Variants in MRPS5 observed in about 807,000 individuals in gnomAD.
The protein encoded by MRPS5 is small ribosomal subunit protein uS5m.
Under a neutral mutation model 51.9 loss-of-function variants are expected in MRPS5, and 27 were observed. The observed-to-expected ratio is 0.52, with a 90% CI of 0.38 to 0.72. The LOEUF is 0.72. Ranked by LOEUF, MRPS5 falls within the 30% of genes least tolerant of loss-of-function variation. The pLI, the probability that MRPS5 is intolerant of heterozygous loss-of-function variation, is 0.00. For synonymous variants in MRPS5, 196 were observed against 193.2 expected (o/e 1.01, Z -0.12); for missense variants, 570 against 545.7 (o/e 1.04, Z -0.44).
intron 8 of MRPS5, among the ~76,000 whole-genome samples, 169 bp from the exon 9 acceptor site, chr2:95,101,063 A>G (rs546401633): frequency 2.0e-5 from 3 of 152,282 alleles, no homozygotes; most frequent in South Asian, 2.1e-4. Flanking sequence ...CTTAACTACA[A>G]TATCACTATC....
At chr2:95,116,966 C>A (rs1676301118) in intron 2 of MRPS5, among the ~76,000 whole-genome samples, 1 of 152,100 alleles carries the variant, frequency 6.6e-6, no homozygotes, top group Non-Finnish European at 1.5e-5. Context: ...CATAGTGAAA[C>A]CCCGTCTCTA....
chr2:95,087,070 T>C lies in MRPS5; in HGVS notation c.*287A>G, dbSNP rs531288951. The C allele has an allele frequency of 9.3e-4, 294 of 316,924 alleles. No individual in the cohort carries two copies. The highest frequency in any genetic ancestry group is 4.5e-3 in the Middle Eastern group (5 of 1,108). The allele number at this position is 316,924 out of a possible 1,614,324, so 19.6% of individuals were successfully genotyped here. A position where few individuals can be genotyped will look rare whatever the true frequency, so the allele number is the denominator to read the frequency against. On this transcript the variant is annotated 3_prime_UTR_variant, in exon 12 of 12. Coordinates refer to ENST00000272418, the MANE Select transcript of MRPS5 (RefSeq NM_031902.5). The stretch of plus-strand genomic sequence containing the variant: ...CAATTATCATTGTGTACATTATTAC[T>C]GATTGGGTCAAATTATTAACCCCGT...
chr2:95,120,624 G>A (rs1676414698), intron 1 of MRPS5, among the ~76,000 whole-genome samples: 1 of 152,152 alleles, frequency 6.6e-6, no homozygotes, highest in Non-Finnish European at 1.5e-5. Flanking sequence ...CAAAAAACAG[G>A]CTTCGGAGCC....
Position 95,101,572 on chromosome 2 carries a change from G to T in MRPS5, c.810+105C>A, listed in dbSNP as rs115521436. On this transcript the variant is annotated intron_variant, in intron 8 of 11. Transcript: ENST00000272418. Reference sequence around the variant, plus strand: ...TAACCCTTGACAGCAAGCCTCATGGGAAGGTTCTGGGACAAATTATTATTG... The same window carrying T: ...TAACCCTTGACAGCAAGCCTCATGGTAAGGTTCTGGGACAAATTATTATTG... 3.5e-6 allele frequency: 3 copies of T among 861,500 alleles called. No homozygotes were observed. In the African/African-American group the frequency reaches 5.2e-5, roughly 15 times the overall value. The allele number at this position is 861,500 out of a possible 1,614,324, so 53.4% of individuals were successfully genotyped here.
intron 5 of MRPS5, among the ~76,000 whole-genome samples, chr2:95,107,869 G>C (rs1268880758): frequency 2.0e-5 from 3 of 152,100 alleles, no homozygotes; most frequent in Non-Finnish European, 4.4e-5. Context: ...GTGGCCACCT[G>C]TGTTTTGGAA....
chr2:95,121,693 G>A (rs1164563185), intron 1 of MRPS5, 41 bp downstream of exon 1: 3 of 1,523,334 alleles, frequency 2.0e-6, no homozygotes, highest in African/African-American at 1.4e-5. Flanking sequence ...CCCCACTCCC[G>A]GCCCGCTCAG....
At chr2:95,122,000 G>T (rs2104438121), upstream of MRPS5, 1 of 535,892 alleles carries the variant, frequency 1.9e-6, no homozygotes, top group Non-Finnish European at 3.1e-6. Context: ...CCCCGCGGGC[G>T]CCTCCCGTTA....
Position 95,086,071 on chromosome 2 carries a change from G to A in MRPS5, c.*1286C>T, listed in dbSNP as rs183918973. Among the ~76,000 whole-genome samples the A allele has an allele frequency of 1.2e-3, 181 of 152,184 alleles. No homozygotes were observed. Among genetic ancestry groups the A allele is most frequent in the African/African-American group, 4.2e-3 (174 of 41,528 alleles). On this transcript the variant is annotated 3_prime_UTR_variant, in exon 12 of 12. Transcript: ENST00000272418. ...ACTACAGGCATACACCACCATGTGT[G>A]TCTAACTTTTAAATTTACTTTTACT...
chr2:95,112,982 G>A (rs1393609294), intron 3 of MRPS5, among the ~76,000 whole-genome samples: 1 of 151,578 alleles, frequency 6.6e-6, no homozygotes, highest in Non-Finnish European at 1.5e-5. Context: ...TCCAGCCTGG[G>A]CGACAGAGGG....
At chr2:95,090,551 A>T in intron 10 of MRPS5, 29 bp from the exon 11 acceptor site, 6 of 1,613,390 alleles carry the variant, frequency 3.7e-6, no homozygotes, top group Non-Finnish European at 5.1e-6. Flanking sequence ...GGTGAAACAC[A>T]GCCCACTCGC....
rs997037560 is a variant in MRPS5 at position 95,115,100 on chromosome 2, G to A, written c.243C>T (p.Ser81=). 2 of 1,610,666 alleles carry A rather than the reference G, an allele frequency of 1.2e-6. No individual in the cohort carries two copies. Among genetic ancestry groups the A allele is most frequent in the Non-Finnish European group, 1.7e-6 (2 of 1,179,110 alleles). ...CCISSPSHLM[S]QQYRPYSFFT... ...AGAAACTATATGGTCTATACTGCTG[G>A]CTCATCAGGTGACTGGGAGAAGAAA... The change falls in exon 3 of 12, where the codon AGC becomes AGT. Residue 81 remains serine, a synonymous_variant. Coordinates refer to ENST00000272418, the MANE Select transcript of MRPS5 (RefSeq NM_031902.5).
In MRPS5 at chr2:95,108,405, C is replaced by A. The variant is rs372157685; in HGVS notation, c.407G>T (p.Arg136Leu). ...LNRGQIIGEG[R>L]YGFLWPGLNV... Reference sequence around the variant, plus strand: ...CAGTCCGGGCCATAGAAAACCATAACGCCCTGAAGGTTTAAAAATATAAAT... The same window carrying A: ...CAGTCCGGGCCATAGAAAACCATAAAGCCCTGAAGGTTTAAAAATATAAAT... Residue 136 changes from arginine (R) to leucine (L), a missense_variant, in exon 5 of 12, where the codon CGT (arginine) becomes CTT (leucine). By Grantham distance (102) the Arg-to-Leu change is moderately radical. Transcript: ENST00000272418. 1.9e-6 allele frequency: 3 copies of A among 1,611,180 alleles called. No homozygotes were observed. Among genetic ancestry groups the A allele is most frequent in the Admixed American group, 3.3e-5 (2 of 59,830 alleles).
chr2:95,121,901 G>T (rs1268661053), upstream of MRPS5: 1 of 1,248,190 alleles, frequency 8.0e-7, no homozygotes, highest in Non-Finnish European at 1.1e-6. Flanking sequence ...GAATTCCTGA[G>T]GCCCGAGTCC....
chr2:95,098,185 A>G (rs1461248972), intron 10 of MRPS5, among the ~76,000 whole-genome samples: 2 of 152,210 alleles, frequency 1.3e-5, no homozygotes, highest in Non-Finnish European at 2.9e-5. Flanking sequence ...AAAAGTCAGG[A>G]AACAACAGGT....
At chr2:95,099,208 G>A (rs1269346525) in intron 10 of MRPS5, among the ~76,000 whole-genome samples, 7 of 150,850 alleles carry the variant, frequency 4.6e-5, no homozygotes, top group Middle Eastern at 3.4e-3. Flanking sequence ...GTGAGCCACC[G>A]TGCCCGGCCA....
At chr2:95,089,812 A>G (rs1396525405) in intron 11 of MRPS5, among the ~76,000 whole-genome samples, 2 of 152,232 alleles carry the variant, frequency 1.3e-5, no homozygotes, top group Admixed American at 1.3e-4. Context: ...TGTTATTTTC[A>G]TAATAACATG....
In MRPS5 at chr2:95,087,090, C is replaced by A. The variant is rs1675311762; in HGVS notation, c.*267G>T. The A allele has an allele frequency of 3.3e-5, 12 of 361,944 alleles. No individual in the cohort carries two copies. The South Asian group carries it at 7.7e-4, about 23-fold the overall frequency. The allele number at this position is 361,944 out of a possible 1,614,324, so 22.4% of individuals were successfully genotyped here. ...ATTACTGATTGGGTCAAATTATTAACCCCGTCTCCCTAATTCATTTACTTT... is the reference window on the plus strand; with the variant it reads ...ATTACTGATTGGGTCAAATTATTAAACCCGTCTCCCTAATTCATTTACTTT... On this transcript the variant is annotated 3_prime_UTR_variant, in exon 12 of 12. Coordinates refer to ENST00000272418, the MANE Select transcript of MRPS5 (RefSeq NM_031902.5).
chr2:95,109,501 G>A (rs1322971342), intron 4 of MRPS5, among the ~76,000 whole-genome samples: 1 of 152,256 alleles, frequency 6.6e-6, no homozygotes, highest in Non-Finnish European at 1.5e-5. Context: ...ATTCGACTGT[G>A]TGTTATCTGT....
intron 7 of MRPS5, chr2:95,101,971 C>T (rs1486102718): frequency 1.4e-5 from 6 of 421,944 alleles, no homozygotes; most frequent in Admixed American, 1.3e-4. Flanking sequence ...CTGAACAACA[C>T]AGCAAGACTC....
Sources: allele counts gnomAD v4.1 joint callset (sites outside exome capture counted in the v4.1 genomes callset), GRCh38; gene constraint gnomAD v4.1.1; transcripts MANE v1.5; gene names NCBI Gene and HGNC (gene_info 2026-07-23, HGNC 2026-07-21).